The following CENPK variants were observed in gnomAD, a reference collection of about 807,000 sequenced individuals.
CENPK encodes the protein SoxLZ/Sox6-binding protein Solt.
A neutral mutation model predicts 40.9 loss-of-function variants in CENPK; 46 were observed. That is an observed-to-expected ratio of 1.13 (90% confidence interval 0.89 to 1.44). CENPK has a LOEUF of 1.44. Ranked by LOEUF, CENPK falls within the 40% of genes most tolerant of loss-of-function variation. The pLI, the probability that CENPK is intolerant of heterozygous loss-of-function variation, is 0.00. For synonymous variants in CENPK, 107 were observed against 104.4 expected, an observed-to-expected ratio of 1.02 and a Z score of -0.15; for missense variants, 288 against 303.5, an observed-to-expected ratio of 0.95 and a Z score of 0.38.
At position 65,542,853 on chromosome 5, in the gene CENPK, A is replaced by AAAAAC; in HGVS notation, c.242-10_242-6dup. The stretch of plus-strand genomic sequence containing the variant: ...CGTCTTCAGTCAAGGGAATTGCTAC[A>AAAAAC]AAAACAAAACAAAACAAAGTTACAC... On this transcript the variant is annotated splice_polypyrimidine_tract_variant and splice_region_variant and intron_variant, in intron 5 of 10. Transcript: ENST00000396679. 6.2e-7 allele frequency: 1 copy of AAAAAC among 1,607,330 alleles called. No homozygotes were observed. The highest frequency in any genetic ancestry group is 8.5e-7 in the Non-Finnish European group (1 of 1,177,150).
intron 6 of CENPK, 49 bp downstream of exon 6, chr5:65,542,753 T>A (rs1343419278): frequency 2.2e-6 from 3 of 1,372,964 alleles, no homozygotes; most frequent in African/African-American, 2.9e-5. Flanking sequence ...CTAAAATAGA[T>A]CTAGTTAGAA....
chr5:65,501,025 T>C, the CENPK span, among the ~76,000 whole-genome samples: 16 of 152,238 alleles, frequency 1.1e-4, no homozygotes, highest in African/African-American at 3.9e-4. Context: ...CCTCTTCATG[T>C]TGCTATTGAG....
chr5:65,504,312 C>T, the CENPK span, among the ~76,000 whole-genome samples: 1 of 151,806 alleles, frequency 6.6e-6, no homozygotes, highest in East Asian at 1.9e-4. Context: ...CAAAATTAGC[C>T]GGACTTGGTG....
At chr5:65,525,187 C>T (rs1438018300) in intron 9 of CENPK, among the ~76,000 whole-genome samples, 1 of 151,946 alleles carries the variant, frequency 6.6e-6, no homozygotes, top group African/African-American at 2.4e-5. Context: ...GGTAAAATTC[C>T]ATCTCTACTA....
At chr5:65,496,283 T>A in the CENPK span, among the ~76,000 whole-genome samples, 21 of 132,280 alleles carry the variant, frequency 1.6e-4, no homozygotes, top group Admixed American at 1.6e-3. Context: ...AAAACACTTA[T>A]ACTCTTTGAC....
At chr5:65,523,040 A>G (rs181276528) in intron 9 of CENPK, among the ~76,000 whole-genome samples, 47 of 152,206 alleles carry the variant, frequency 3.1e-4, no homozygotes, top group Non-Finnish European at 6.5e-4. Context: ...CTTATTCTGT[A>G]ATGTAATGTA....
chr5:65,549,497 G>A (rs1749604017), intron 5 of CENPK, among the ~76,000 whole-genome samples: 1 of 152,160 alleles, frequency 6.6e-6, no homozygotes, highest in Non-Finnish European at 1.5e-5. Context: ...GTCCTAGATG[G>A]CATCTTCTTC....
chr5:65,507,244 T>C, the CENPK span, among the ~76,000 whole-genome samples: 11 of 152,272 alleles, frequency 7.2e-5, no homozygotes, highest in African/African-American at 2.4e-4. Context: ...GGCATTTTTT[T>C]AATCAGTGAA....
chr5:65,530,447 A>T (rs1184565103), intron 6 of CENPK, among the ~76,000 whole-genome samples: 9 of 152,236 alleles, frequency 5.9e-5, no homozygotes, highest in Non-Finnish European at 1.3e-4. Context: ...GTTACTCTCT[A>T]GCAAAAGAAT....
chr5:65,516,401 T>C (rs1050547626), downstream of CENPK, among the ~76,000 whole-genome samples: 1 of 152,230 alleles, frequency 6.6e-6, no homozygotes, highest in African/African-American at 2.4e-5. Flanking sequence ...TACAATTCCA[T>C]TGTCTCTGCT....
chr5:65,552,151 G>A (rs1425523357), intron 4 of CENPK, among the ~76,000 whole-genome samples: 1 of 151,888 alleles, frequency 6.6e-6, no homozygotes, highest in Non-Finnish European at 1.5e-5. Context: ...GGTAGCGACG[G>A]GGTTTTGCCA....
Position 65,526,888 on chromosome 5 carries a change from T to C in CENPK, c.597+1564A>G, listed in dbSNP as rs1163353116. Among the ~76,000 whole-genome samples the C allele has an allele frequency of 7.2e-5, 11 of 151,954 alleles. No individual in the cohort carries two copies. The East Asian group carries it at 1.9e-3, about 27-fold the overall frequency. ...TGGGCGGATCAACTGAGGTCAGGAG[T>C]TCGAGACCAGCCTGGCCAACACGGT... On this transcript the variant is annotated intron_variant, in intron 9 of 10. Coordinates refer to ENST00000396679, the MANE Select transcript of CENPK (RefSeq NM_022145.5).
intron 6 of CENPK, among the ~76,000 whole-genome samples, chr5:65,536,505 G>A (rs1174613958): frequency 2.0e-5 from 3 of 152,096 alleles, no homozygotes; most frequent in South Asian, 4.1e-4. Flanking sequence ...GCACACACCT[G>A]TACTCCTAGC....
chr5:65,506,794 A>G, the CENPK span, among the ~76,000 whole-genome samples: 1 of 152,204 alleles, frequency 6.6e-6, no homozygotes, highest in Non-Finnish European at 1.5e-5. Flanking sequence ...CAAAAAAAAA[A>G]AAAGTCTTTT....
chr5:65,548,852 T>C (rs1051588093), intron 5 of CENPK, among the ~76,000 whole-genome samples: 1 of 152,206 alleles, frequency 6.6e-6, no homozygotes, highest in Non-Finnish European at 1.5e-5. Flanking sequence ...TGTAGTTACT[T>C]GAACCCCTCA....
intron 2 of CENPK, among the ~76,000 whole-genome samples, chr5:65,559,044 G>A (rs1476492872): frequency 1.3e-5 from 2 of 152,154 alleles, no homozygotes. Context: ...GGTAGACAGT[G>A]CAATAAAGAA....
chr5:65,522,691 A>G lies in CENPK; in HGVS notation c.598-1163T>C, dbSNP rs572432337. 5.3e-5 allele frequency among the ~76,000 whole-genome samples: 8 copies of G among 152,318 alleles called. No individual in the cohort carries two copies. The South Asian group carries it at 6.2e-4, about 12-fold the overall frequency. ...AGTGATCCTCCCACCTCAGTCTCCT[A>G]AAGTGCGGGATTACAGGTGTGAGCC... is the stretch of plus-strand genomic sequence containing the variant. On this transcript the variant is annotated intron_variant, in intron 9 of 10. Coordinates refer to ENST00000396679, the MANE Select transcript of CENPK (RefSeq NM_022145.5).
chr5:65,555,036 T>G, intron 2 of CENPK, 90 bp from the exon 3 acceptor site: 2 of 659,276 alleles, frequency 3.0e-6, no homozygotes, highest in South Asian at 3.7e-5. Context: ...AATATAGCAA[T>G]GAACAAAATA....
chr5:65,530,218 C>T (rs1182861367), intron 6 of CENPK, among the ~76,000 whole-genome samples: 1 of 151,924 alleles, frequency 6.6e-6, no homozygotes, highest in Non-Finnish European at 1.5e-5. Flanking sequence ...CTATTAGGCA[C>T]TGCTGAAGGA....
Sources: allele counts gnomAD v4.1 joint callset (sites outside exome capture counted in the v4.1 genomes callset), GRCh38; gene constraint gnomAD v4.1.1; transcripts MANE v1.5; gene names NCBI Gene and HGNC (gene_info 2026-07-23, HGNC 2026-07-21).